The following PTK2 variants were observed in gnomAD, a reference collection of about 807,000 sequenced individuals.
PTK2 encodes focal adhesion kinase 1.
PTK2 carries 45 observed loss-of-function variants against 150.1 expected under a neutral mutation model. The ratio of observed to expected loss-of-function variants is 0.30; its 90% CI spans 0.24 to 0.38. The LOEUF is 0.38. PTK2 is among the 10% of genes least tolerant of loss of function. The pLI is 1.00. For missense variants in PTK2, 919 were observed against 1,307.3 expected, an observed-to-expected ratio of 0.70 and a Z score of 4.58; for synonymous variants, 432 against 449.2, an observed-to-expected ratio of 0.96 and a Z score of 0.48.
In PTK2 at chr8:140,793,425, C is replaced by T. The variant is rs1168810425; in HGVS notation, c.1094-41G>A. On this transcript the variant is annotated intron_variant, in intron 12 of 31. Coordinates refer to ENST00000522684, the Ensembl canonical transcript of PTK2. ...AAAGAGATGCATAAGGCTCTTTTCA[C>T]TCCTTTTGAAAAGATGGTGCCTAGA... is the stretch of plus-strand genomic sequence containing the variant. 3.8e-6 allele frequency: 6 copies of T among 1,596,602 alleles called. No individual in the cohort carries two copies. The Admixed American group carries it at 1.1e-4, about 28-fold the overall frequency.
Position 140,818,877 on chromosome 8 carries a change from T to TA in PTK2, c.789+2dup. ...CCACTATTTCCCATATTCCCATACT[T>TA]ACACCAAGAGCACACTTGAAGCATT... On this transcript the variant is annotated splice_region_variant and intron_variant, in intron 9 of 31. Coordinates refer to ENST00000522684, the Ensembl canonical transcript of PTK2. 6.2e-7 allele frequency: 1 copy of TA among 1,612,836 alleles called. No homozygotes were observed. Among genetic ancestry groups the TA allele is most frequent in the Non-Finnish European group, 8.5e-7 (1 of 1,179,416 alleles).
intron 23 of PTK2, among the ~76,000 whole-genome samples, chr8:140,709,027 T>C (rs1049617507): frequency 1.9e-4 from 29 of 151,986 alleles, no homozygotes; most frequent in African/African-American, 6.8e-4. Flanking sequence ...ACTACCTACT[T>C]TACATACAAT....
At chr8:140,841,779 CA>C (rs949149652) in intron 7 of PTK2, among the ~76,000 whole-genome samples, 1 of 151,310 alleles carries the variant, frequency 6.6e-6, no homozygotes, top group East Asian at 1.9e-4. Context: ...AGTTAATTTA[CA>C]AAAAAAACTT....
chr8:140,875,035 AAC>A (rs1449805621), intron 4 of PTK2, among the ~76,000 whole-genome samples: 1 of 152,214 alleles, frequency 6.6e-6, no homozygotes, highest in Non-Finnish European at 1.5e-5. Context: ...GTAAAAAATT[AAC>A]AGAGTATATG....
intron 16 of PTK2, 26 bp downstream of exon 19, chr8:140,761,139 T>G: frequency 6.8e-7 from 1 of 1,465,472 alleles, no homozygotes. Flanking sequence ...ATTAGTCTAG[T>G]TGTTTGGTAG....
intron 26 of PTK2, among the ~76,000 whole-genome samples, chr8:140,696,103 T>C (rs1191139633): frequency 1.3e-5 from 2 of 152,190 alleles, no homozygotes; most frequent in Non-Finnish European, 2.9e-5. Flanking sequence ...CATTCATTCA[T>C]TCGCTTAATA....
chr8:140,735,208 A>C, intron 22 of PTK2, 43 bp downstream of exon 25: 1 of 1,560,502 alleles, frequency 6.4e-7, no homozygotes, highest in Non-Finnish European at 8.8e-7. Context: ...GAAGCAGCAT[A>C]ATCTGCCCCC....
intron 31 of PTK2, among the ~76,000 whole-genome samples, chr8:140,661,798 G>A (rs2080445489): frequency 1.3e-5 from 2 of 152,120 alleles, no homozygotes; most frequent in South Asian, 4.1e-4. Flanking sequence ...GCAATTAGGA[G>A]ACCTTGAAGG....
chr8:140,854,100 T>C (rs986998409), intron 5 of PTK2, among the ~76,000 whole-genome samples: 16 of 152,196 alleles, frequency 1.1e-4, no homozygotes, highest in Non-Finnish European at 7.3e-5. Context: ...TACCATAGAG[T>C]TAAGTTACAG....
chr8:140,672,091 T>A (rs1019183190), intron 29 of PTK2: 19 of 441,136 alleles, frequency 4.3e-5, no homozygotes, highest in African/African-American at 3.5e-4. Context: ...TCTAAGGTGG[T>A]ACCGATCTAC....
At chr8:140,811,923 A>T (rs970876623) in intron 10 of PTK2, among the ~76,000 whole-genome samples, 3 of 152,192 alleles carry the variant, frequency 2.0e-5, no homozygotes, top group African/African-American at 4.8e-5. Context: ...ATGTAAAGAG[A>T]CCAAATCTAT....
At chr8:140,717,155 A>G in intron 23 of PTK2, among the ~76,000 whole-genome samples, 1 of 152,236 alleles carries the variant, frequency 6.6e-6, no homozygotes. Flanking sequence ...AAAGGCAAAA[A>G]ATGTGCAGAG....
At chr8:140,833,832 T>C (rs1162342354) in intron 7 of PTK2, among the ~76,000 whole-genome samples, 1 of 152,184 alleles carries the variant, frequency 6.6e-6, no homozygotes, top group Non-Finnish European at 1.5e-5. Context: ...TTTAGAATAT[T>C]GCCAAACCCC....
In PTK2 at chr8:140,849,336, G is replaced by T. The variant is rs534766275; in HGVS notation, c.451-2658C>A. 2.0e-5 allele frequency among the ~76,000 whole-genome samples: 3 copies of T among 152,296 alleles called. No individual in the cohort carries two copies. The East Asian group carries it at 5.8e-4, about 29-fold the overall frequency. On this transcript the variant is annotated intron_variant, in intron 5 of 31. Coordinates refer to ENST00000522684, the Ensembl canonical transcript of PTK2. ...AATGCTCCCTGTCATCTAGGCTCTAGAGAGTGTTCTCTCAAGCCACTGGGC... is the reference window on the plus strand; with the variant it reads ...AATGCTCCCTGTCATCTAGGCTCTATAGAGTGTTCTCTCAAGCCACTGGGC...
At position 140,831,265 on chromosome 8, in the gene PTK2, G is replaced by A. The variant is rs560558721; in HGVS notation, c.594-739C>T. On this transcript the variant is annotated intron_variant, in intron 7 of 31. Transcript: ENST00000522684. The stretch of plus-strand genomic sequence containing the variant: ...ACTTTGGTTACTAACTTACTCAGAT[G>A]TTTTGGCCACTAGGTGTCACTCGTG... Among the ~76,000 whole-genome samples, 5 of 152,308 alleles carry A rather than the reference G, an allele frequency of 3.3e-5. No individual in the cohort carries two copies. The East Asian group carries it at 9.6e-4, about 29-fold the overall frequency.
At chr8:140,923,842 G>C (rs954936141) in intron 2 of PTK2, among the ~76,000 whole-genome samples, 7 of 151,880 alleles carry the variant, frequency 4.6e-5, no homozygotes, top group African/African-American at 1.7e-4. Flanking sequence ...ACATCTCCTG[G>C]CCTCACCCCG....
Position 140,764,305 on chromosome 8 carries a change from A to C in PTK2, c.1178-15T>G, listed in dbSNP as rs201526123. ...ATCATCTGTTTCTGCAGGAAAAGAA[A>C]CAGATATGTTGAAAGAGGTTAAACA... On this transcript the variant is annotated splice_polypyrimidine_tract_variant and intron_variant, in intron 14 of 31. Transcript: ENST00000522684. The C allele has an allele frequency of 6.3e-7, 1 of 1,597,720 alleles. No homozygotes were observed. Among genetic ancestry groups the C allele is most frequent in the Non-Finnish European group, 8.6e-7 (1 of 1,166,598 alleles).
intron 8 of PTK2, among the ~76,000 whole-genome samples, chr8:140,824,005 T>A (rs1033760180): frequency 6.6e-6 from 1 of 152,198 alleles, no homozygotes; most frequent in Non-Finnish European, 1.5e-5. Flanking sequence ...ATCTGATGAC[T>A]AAGAATCTTA....
chr8:140,720,024 C>T (rs191859706), intron 22 of PTK2, among the ~76,000 whole-genome samples: 2 of 151,972 alleles, frequency 1.3e-5, no homozygotes, highest in East Asian at 1.9e-4. Flanking sequence ...AGCTGCAGAA[C>T]TAAGCGGGAG....
Sources: gnomAD v4.1 joint callset for allele counts (sites outside exome capture counted in the v4.1 genomes callset) on GRCh38, gnomAD v4.1.1 for gene constraint, MANE v1.5 for transcripts, NCBI Gene and HGNC (gene_info 2026-07-23, HGNC 2026-07-21) for gene names.